Variants in PTPRG observed in about 807,000 individuals in gnomAD.
The protein encoded by PTPRG is receptor-type tyrosine-protein phosphatase gamma.
PTPRG carries 102 observed loss-of-function variants against 165.3 expected under a neutral mutation model. The ratio of observed to expected loss-of-function variants is 0.62; its 90% CI spans 0.53 to 0.73. The LOEUF is 0.73. PTPRG is among the 30% of genes least tolerant of loss of function. The probability of loss-of-function intolerance (pLI) is 0.00; values close to 1 mark genes in which losing one functional copy is unlikely to be tolerated. For missense variants in PTPRG, 1,866 were observed against 1,861.4 expected (o/e 1.00, Z -0.05); for synonymous variants, 675 against 669.5 (o/e 1.01, Z -0.13).
chr3:62,087,179 C>T (rs1701780845), intron 5 of PTPRG, among the ~76,000 whole-genome samples: 1 of 152,176 alleles, frequency 6.6e-6, no homozygotes, highest in Non-Finnish European at 1.5e-5. Context: ...TGACAGATGA[C>T]AGGCCTGACC....
chr3:61,840,005 C>T (rs957425210), intron 2 of PTPRG, among the ~76,000 whole-genome samples: 3 of 152,128 alleles, frequency 2.0e-5, no homozygotes, highest in African/African-American at 4.8e-5. Flanking sequence ...TTTCAGAATT[C>T]ATGGAGTCTT....
At chr3:62,084,884 C>T (rs904828762) in intron 5 of PTPRG, among the ~76,000 whole-genome samples, 6 of 152,164 alleles carry the variant, frequency 3.9e-5, no homozygotes, top group African/African-American at 7.2e-5. Context: ...CTCTTACACA[C>T]GGCTAAAACT....
At chr3:61,700,630 A>G (rs1470081545) in intron 1 of PTPRG, among the ~76,000 whole-genome samples, 1 of 152,206 alleles carries the variant, frequency 6.6e-6, no homozygotes, top group Non-Finnish European at 1.5e-5. Context: ...GGTGAAGTGA[A>G]CTTGACTGTT....
At chr3:61,948,238 T>C (rs1304092864) in intron 2 of PTPRG, among the ~76,000 whole-genome samples, 1 of 152,072 alleles carries the variant, frequency 6.6e-6, no homozygotes, top group African/African-American at 2.4e-5. Context: ...GGCAGGAGAA[T>C]TGCTTGAACC....
chr3:61,771,919 G>T (rs2034216890), intron 2 of PTPRG, among the ~76,000 whole-genome samples: 1 of 151,830 alleles, frequency 6.6e-6, no homozygotes, highest in African/African-American at 2.4e-5. Context: ...AATTAACCAG[G>T]CATGGTGGTA....
In PTPRG at chr3:62,271,362, C is replaced by T; in HGVS notation, c.3010-21C>T. ...TGTCCACCCCCCCGCTTAAAGACAT[C>T]TTTTTTCACTTTTCTCACAGGGTCA... On this transcript the variant is annotated intron_variant, in intron 20 of 29. Transcript: ENST00000474889. This position sits in a 1 kb window ranked among gnomAD's most constrained non-coding sequence, Gnocchi z 4.1. 2 of 1,575,012 alleles carry T rather than the reference C, an allele frequency of 1.3e-6. No homozygotes were observed. The highest frequency in any genetic ancestry group is 8.6e-7 in the Non-Finnish European group (1 of 1,159,738).
chr3:62,146,932 C>T (rs969296624), intron 6 of PTPRG, among the ~76,000 whole-genome samples: 11 of 152,142 alleles, frequency 7.2e-5, no homozygotes, highest in African/African-American at 1.2e-4. Flanking sequence ...TTTCTTTTAG[C>T]CATGTATGAA....
intron 1 of PTPRG, among the ~76,000 whole-genome samples, chr3:61,562,811 C>T (rs1457107352): frequency 6.6e-6 from 1 of 152,138 alleles, no homozygotes; most frequent in African/African-American, 2.4e-5. Context: ...ATTGAAGGAA[C>T]TCAGAAGGTG....
At chr3:61,998,997 G>C (rs1339292197) in intron 3 of PTPRG, among the ~76,000 whole-genome samples, 1 of 152,160 alleles carries the variant, frequency 6.6e-6, no homozygotes, top group African/African-American at 2.4e-5. Flanking sequence ...ATTCATAGAT[G>C]ATACCTTCTC....
intron 5 of PTPRG, among the ~76,000 whole-genome samples, chr3:62,093,807 C>A (rs551642169): frequency 2.0e-4 from 31 of 152,284 alleles, no homozygotes; most frequent in Admixed American, 6.5e-4. Flanking sequence ...AGTGAACCTG[C>A]ATTAAGATGG....
rs80074537 is a variant in PTPRG at position 61,582,692 on chromosome 3, G to A, written c.85+20320G>A. Among the ~76,000 whole-genome samples the A allele has an allele frequency of 4.0e-3, 607 of 152,316 alleles. 20 individuals are homozygous for A. In the East Asian group the frequency reaches 0.083, roughly 21 times the overall value. ...TTCCTGTTTCCAGGCTGTAGATACA[G>A]AAATGAATGCCTGAGATGTCCAGTG... On this transcript the variant is annotated intron_variant, in intron 1 of 29. Transcript: ENST00000474889.
intron 2 of PTPRG, among the ~76,000 whole-genome samples, chr3:61,762,403 A>G (rs1315629854): frequency 2.6e-5 from 4 of 152,124 alleles, no homozygotes; most frequent in South Asian, 2.1e-4. Context: ...CCTGAGGTCA[A>G]TAGTTCGAGA....
intron 1 of PTPRG, among the ~76,000 whole-genome samples, chr3:61,680,681 T>G (rs1270820336): frequency 1.3e-5 from 2 of 151,096 alleles, no homozygotes; most frequent in African/African-American, 4.9e-5. Flanking sequence ...GCCTCTGGTA[T>G]AGGCTTTCAG....
intron 6 of PTPRG, among the ~76,000 whole-genome samples, chr3:62,150,184 C>G (rs1425378328): frequency 1.3e-5 from 2 of 152,194 alleles, no homozygotes; most frequent in East Asian, 3.8e-4. Context: ...CATTTGGTCC[C>G]AAAGCAGCCG....
chr3:62,287,922 G>T (rs558463215), intron 28 of PTPRG, among the ~76,000 whole-genome samples: 2 of 152,028 alleles, frequency 1.3e-5, no homozygotes, highest in Non-Finnish European at 2.9e-5. Flanking sequence ...TACATTCATT[G>T]ATTACAACCC....
chr3:61,820,839 C>T (rs568436953), intron 2 of PTPRG, among the ~76,000 whole-genome samples: 1 of 151,914 alleles, frequency 6.6e-6, no homozygotes, highest in Non-Finnish European at 1.5e-5. Context: ...AGTGAGACTT[C>T]CTAGGGTTCT....
intron 6 of PTPRG, among the ~76,000 whole-genome samples, chr3:62,146,631 T>C (rs59869788): frequency 6.8e-6 from 1 of 146,196 alleles, no homozygotes; most frequent in African/African-American, 2.5e-5. Context: ...CTGTTGCTTT[T>C]AAAAAAAAAA....
intron 8 of PTPRG, among the ~76,000 whole-genome samples, chr3:62,177,529 G>A (rs545241687): frequency 3.9e-5 from 6 of 152,326 alleles, no homozygotes; most frequent in Non-Finnish European, 7.4e-5. Flanking sequence ...CCTGTTAGAA[G>A]TGTGAAGCCA....
At chr3:62,276,137 T>C (rs184174883) in intron 24 of PTPRG, among the ~76,000 whole-genome samples, 171 bp downstream of exon 24, 123 of 152,226 alleles carry the variant, frequency 8.1e-4, no homozygotes, top group African/African-American at 2.9e-3. Flanking sequence ...ATGTATGACT[T>C]TATACCAGCC....
Sources: allele counts gnomAD v4.1 joint callset (sites outside exome capture counted in the v4.1 genomes callset), GRCh38; gene constraint gnomAD v4.1.1; non-coding constraint Gnocchi (gnomAD v3.1); transcripts MANE v1.5; gene names NCBI Gene and HGNC (gene_info 2026-07-23, HGNC 2026-07-21).